NEK5: variants seen among roughly 807,000 people sequenced by gnomAD.
NEK5 encodes the protein serine/threonine-protein kinase Nek5.
In NEK5, 88 loss-of-function variants were observed where a neutral mutation model predicts 109.2. The ratio of observed to expected loss-of-function variants is 0.81; its 90% CI spans 0.68 to 0.96. The LOEUF (loss-of-function observed/expected upper bound fraction) is 0.96, where lower values mean the gene tolerates loss of function less well. NEK5 is among the 40% of genes least tolerant of loss of function. NEK5 has a pLI of 0.00. For missense variants in NEK5, 834 were observed against 920.7 expected, an observed-to-expected ratio of 0.91 and a Z score of 1.22; for synonymous variants, 283 against 299.9, an observed-to-expected ratio of 0.94 and a Z score of 0.58.
chr13:52,061,292 A>G (rs1004259032), intron 22 of NEK5, among the ~76,000 whole-genome samples: 1 of 152,158 alleles, frequency 6.6e-6, no homozygotes, highest in Admixed American at 6.5e-5. Context: ...CTCAGGCAGT[A>G]ATGCTCACCT....
intron 21 of NEK5, among the ~76,000 whole-genome samples, chr13:52,062,491 G>C (rs1467811197): frequency 6.6e-6 from 1 of 151,706 alleles, no homozygotes; most frequent in East Asian, 1.9e-4. Flanking sequence ...CACGATCTTG[G>C]CTCACTGCAA....
At chr13:52,092,378 T>C (rs772899707) in intron 13 of NEK5, among the ~76,000 whole-genome samples, 1 of 151,872 alleles carries the variant, frequency 6.6e-6, no homozygotes, top group African/African-American at 2.4e-5. Context: ...TTGATTTGTG[T>C]AACATATATG....
At chr13:52,116,867 T>C (rs1955869834) in intron 4 of NEK5, among the ~76,000 whole-genome samples, 1 of 152,176 alleles carries the variant, frequency 6.6e-6, no homozygotes, top group Non-Finnish European at 1.5e-5. Flanking sequence ...AAAATATCAC[T>C]ACATTCTCAT....
At chr13:52,072,124 A>G in intron 19 of NEK5, 54 bp from the exon 20 acceptor site, 1 of 1,471,842 alleles carries the variant, frequency 6.8e-7, no homozygotes, top group Admixed American at 2.1e-5. Context: ...TGAAAGAAAG[A>G]AAAACCATAT....
chr13:52,106,523 T>C (rs1955658879), intron 8 of NEK5, among the ~76,000 whole-genome samples: 1 of 152,136 alleles, frequency 6.6e-6, no homozygotes, highest in African/African-American at 2.4e-5. Flanking sequence ...CCCAGCACTT[T>C]GAGAGGCTGA....
At chr13:52,058,928 G>A (rs1348514583) in intron 22 of NEK5, among the ~76,000 whole-genome samples, 2 of 148,600 alleles carry the variant, frequency 1.3e-5, no homozygotes. Flanking sequence ...AAAAGCAATG[G>A]CAACAAAAGC....
At chr13:52,042,634 C>T (rs891727414) in intron 23 of NEK5, among the ~76,000 whole-genome samples, 9 of 151,648 alleles carry the variant, frequency 5.9e-5, no homozygotes, top group Admixed American at 3.9e-4. Context: ...AATTATACTT[C>T]TATATTAAAA....
chr13:52,083,207 G>T, intron 17 of NEK5, 53 bp downstream of exon 17: 1 of 1,231,640 alleles, frequency 8.1e-7, no homozygotes, highest in South Asian at 1.2e-5. Context: ...AGAGCCACTT[G>T]GGGTAGAGCA....
chr13:52,068,486 C>G (rs1270670753), intron 20 of NEK5, among the ~76,000 whole-genome samples: 1 of 151,856 alleles, frequency 6.6e-6, no homozygotes, highest in East Asian at 1.9e-4. Context: ...CACACACACA[C>G]ACACACACAC....
At chr13:52,065,342 TC>T in intron 21 of NEK5, 141 bp downstream of exon 21, 1 of 1,199,362 alleles carries the variant, frequency 8.3e-7, no homozygotes, top group Non-Finnish European at 1.2e-6. Context: ...TAGGGAGATA[TC>T]AAAACAACAT....
chr13:52,096,917 G>A (rs759120361), intron 12 of NEK5, among the ~76,000 whole-genome samples: 23 of 152,170 alleles, frequency 1.5e-4, no homozygotes, highest in Non-Finnish European at 3.1e-4. Flanking sequence ...ATGGCTTTGA[G>A]GACCAAGCCC....
chr13:52,112,413 T>A, intron 4 of NEK5, 48 bp from the exon 5 acceptor site: 1 of 1,215,926 alleles, frequency 8.2e-7, no homozygotes, highest in Non-Finnish European at 1.2e-6. Context: ...CAGATATTTA[T>A]CAGCCATGTT....
intron 17 of NEK5, among the ~76,000 whole-genome samples, chr13:52,080,368 G>A (rs1373240586): frequency 1.3e-5 from 2 of 151,772 alleles, no homozygotes; most frequent in East Asian, 4.0e-4. Flanking sequence ...CCTCTGCCCG[G>A]CCACCACCCC....
At chr13:52,091,948 T>G (rs543843985) in intron 13 of NEK5, among the ~76,000 whole-genome samples, 2 of 152,346 alleles carry the variant, frequency 1.3e-5, no homozygotes, top group African/African-American at 4.8e-5. Context: ...AAATGATCAT[T>G]TGATTTTAAT....
At chr13:52,119,160 G>A (rs1377320789) in intron 4 of NEK5, among the ~76,000 whole-genome samples, 159 bp downstream of exon 4, 1 of 152,172 alleles carries the variant, frequency 6.6e-6, no homozygotes, top group Non-Finnish European at 1.5e-5. Flanking sequence ...TTACTAGAGA[G>A]GAAATAACGA....
rs267603845 is a variant in NEK5, at chr13:52,065,580, C to T, written c.1879G>A (p.Gly627Arg). The T allele has an allele frequency of 6.2e-5, 100 of 1,613,922 alleles. No homozygotes were observed. The Middle Eastern group carries it at 1.6e-3, about 27-fold the overall frequency. ...GFSTQTVAAVGNRRQWDGGAP... is the reference protein window; with the variant it reads ...GFSTQTVAAVRNRRQWDGGAP... ...CCTCCATCCCACTGCCTCCTGTTTC[C>T]CACAGCAGCTACAGTCTGCGTGGAA... Residue 627 changes from glycine (G) to arginine (R), a missense_variant, in exon 21 of 24, where the codon GGA (glycine) becomes AGA (arginine). Transcript: ENST00000684899.
intron 1 of NEK5, among the ~76,000 whole-genome samples, chr13:52,128,276 A>T (rs1481540685): frequency 1.3e-5 from 2 of 151,948 alleles, no homozygotes; most frequent in Non-Finnish European, 2.9e-5. Context: ...AGAATTGTTC[A>T]CCATTTGGGA....
At chr13:52,070,025 C>A (rs975955712) in intron 20 of NEK5, among the ~76,000 whole-genome samples, 2 of 152,232 alleles carry the variant, frequency 1.3e-5, no homozygotes, top group African/African-American at 4.8e-5. Context: ...AGTGAGCAGT[C>A]TTTGGCACAA....
In NEK5 at chr13:52,036,656, C is replaced by CG. The variant is rs1954363805; in HGVS notation, c.*291dup. ...GCTAATTTTGTATTTTTAGTAGAGA[C>CG]GGGGTTTCACCATGTTGGTTGGACT... On this transcript the variant is annotated 3_prime_UTR_variant, in exon 24 of 24. Transcript: ENST00000684899. 1 of 152,044 alleles carries CG rather than the reference C, an allele frequency of 6.6e-6. No homozygotes were observed. 9.4% of individuals were successfully genotyped at this position (152,044 alleles called of 1,614,324 possible).
Sources: gnomAD v4.1 joint callset for allele counts (sites outside exome capture counted in the v4.1 genomes callset) on GRCh38, gnomAD v4.1.1 for gene constraint, MANE v1.5 for transcripts, NCBI Gene and HGNC (gene_info 2026-07-23, HGNC 2026-07-21) for gene names.